Variants in SUSD4 observed in about 807,000 individuals in gnomAD.
SUSD4 encodes sushi domain containing 4.
In SUSD4, 41 loss-of-function variants were observed where a neutral mutation model predicts 50.5. The observed-to-expected ratio is 0.81, with a 90% CI of 0.63 to 1.05. SUSD4 has a LOEUF of 1.05. SUSD4 is among the 50% of genes least tolerant of loss of function. The pLI, the probability that SUSD4 is intolerant of heterozygous loss-of-function variation, is 0.00. For missense variants in SUSD4, 580 were observed against 634.7 expected, an observed-to-expected ratio of 0.91 and a Z score of 0.93; for synonymous variants, 257 against 257.3, an observed-to-expected ratio of 1.00 and a Z score of 0.01.
At chr1:223,329,817 G>A (rs985035400) in intron 2 of SUSD4, among the ~76,000 whole-genome samples, 12 of 151,864 alleles carry the variant, frequency 7.9e-5, no homozygotes, top group Non-Finnish European at 1.5e-4. Context: ...TAAATGAATG[G>A]ATGGATGGAT....
At chr1:223,356,956 G>C in intron 2 of SUSD4, among the ~76,000 whole-genome samples, 1 of 152,296 alleles carries the variant, frequency 6.6e-6, no homozygotes, top group East Asian at 1.9e-4. Flanking sequence ...ACATGAAAAA[G>C]AACCACTCTT....
At chr1:223,253,320 C>T (rs567497521) in intron 5 of SUSD4, among the ~76,000 whole-genome samples, 15 of 144,284 alleles carry the variant, frequency 1.0e-4, no homozygotes, top group African/African-American at 3.9e-4. Flanking sequence ...CCAAAAACAA[C>T]AAAAACTTGC....
At chr1:223,278,887 G>A (rs1479509693) in intron 3 of SUSD4, among the ~76,000 whole-genome samples, 2 of 152,190 alleles carry the variant, frequency 1.3e-5, no homozygotes, top group Non-Finnish European at 2.9e-5. Context: ...GGAACGATCA[G>A]GTAGGAACAT....
At chr1:223,337,346 G>A (rs1162043437) in intron 2 of SUSD4, among the ~76,000 whole-genome samples, 1 of 152,198 alleles carries the variant, frequency 6.6e-6, no homozygotes, top group African/African-American at 2.4e-5. Context: ...GAGCTCAAAT[G>A]TTAGTACAAT....
At chr1:223,251,105 C>T (rs1317133925) in intron 5 of SUSD4, among the ~76,000 whole-genome samples, 1 of 152,086 alleles carries the variant, frequency 6.6e-6, no homozygotes, top group African/African-American at 2.4e-5. Context: ...GTAGGGTGGG[C>T]CCTTAATCCA....
intron 5 of SUSD4, among the ~76,000 whole-genome samples, chr1:223,257,915 A>G (rs1446636345): frequency 6.6e-6 from 1 of 152,068 alleles, no homozygotes; most frequent in Admixed American, 6.6e-5. Flanking sequence ...GTAATTTACG[A>G]CCTTATTGGG....
chr1:223,322,618 G>A (rs1344961468), intron 2 of SUSD4, among the ~76,000 whole-genome samples: 1 of 151,944 alleles, frequency 6.6e-6, no homozygotes, highest in Non-Finnish European at 1.5e-5. Flanking sequence ...GCCCTGGGGT[G>A]TGTGTGTGTG....
chr1:223,247,960 A>G (rs914581404), intron 5 of SUSD4, among the ~76,000 whole-genome samples: 60 of 152,156 alleles, frequency 3.9e-4, no homozygotes, highest in Admixed American at 3.1e-3. Flanking sequence ...TTCACCTTTC[A>G]CCGGACTCTT....
chr1:223,287,217 T>C (rs1297261153), intron 3 of SUSD4, among the ~76,000 whole-genome samples: 8 of 152,174 alleles, frequency 5.3e-5, no homozygotes, highest in Admixed American at 2.0e-4. Context: ...GCTGGGATCA[T>C]AGGCGCGAGC....
In SUSD4 at chr1:223,328,307, C is replaced by A. The variant is rs571602456; in HGVS notation, c.148+34971G>T. ...GCCTCTATTTTAAAGATAAGGAAGC[C>A]GGGGCTCTGAGATGTTAACTGGCTT... On this transcript the variant is annotated intron_variant, in intron 2 of 8. Transcript: ENST00000366878. Among the ~76,000 whole-genome samples the A allele has an allele frequency of 3.9e-5, 6 of 152,208 alleles. No individual in the cohort carries two copies. In the South Asian group the frequency reaches 1.2e-3, roughly 32 times the overall value.
chr1:223,313,561 T>C lies in SUSD4; in HGVS notation c.149-20910A>G, dbSNP rs552478728. The stretch of plus-strand genomic sequence containing the variant: ...TGAGGGGGTAGTAGTGTCAGAGGCA[T>C]TTGAACTAGGGTGACTCCATCTTGA... On this transcript the variant is annotated intron_variant, in intron 2 of 8. Coordinates refer to ENST00000366878, the MANE Select transcript of SUSD4 (RefSeq NM_017982.4). Among the ~76,000 whole-genome samples, 14 of 152,272 alleles carry C rather than the reference T, an allele frequency of 9.2e-5. 1 individual carries two copies. The South Asian group carries it at 1.9e-3, about 20-fold the overall frequency.
chr1:223,292,368 C>G, intron 3 of SUSD4, 71 bp downstream of exon 3: 1 of 1,545,610 alleles, frequency 6.5e-7, no homozygotes, highest in Non-Finnish European at 8.9e-7. Context: ...AGCTGTCACA[C>G]AGCCCTGCAC....
chr1:223,232,078 A>T (rs926932461), intron 5 of SUSD4, among the ~76,000 whole-genome samples: 1 of 152,246 alleles, frequency 6.6e-6, no homozygotes, highest in African/African-American at 2.4e-5. Context: ...CAGAAAGACA[A>T]GATACTGCAT....
chr1:223,258,607 T>A (rs1476660842), intron 5 of SUSD4, among the ~76,000 whole-genome samples: 2 of 151,786 alleles, frequency 1.3e-5, no homozygotes, highest in African/African-American at 2.4e-5. Flanking sequence ...TCCAAGGGGG[T>A]CGGGTTTACT....
At chr1:223,327,063 T>A (rs995929219) in intron 2 of SUSD4, among the ~76,000 whole-genome samples, 5 of 152,170 alleles carry the variant, frequency 3.3e-5, no homozygotes, top group African/African-American at 1.2e-4. Context: ...AGCAGCACAA[T>A]TCACAATTGC....
At chr1:223,272,412 G>C (rs1662980404) in intron 3 of SUSD4, among the ~76,000 whole-genome samples, 1 of 152,156 alleles carries the variant, frequency 6.6e-6, no homozygotes, top group African/African-American at 2.4e-5. Flanking sequence ...ATAAATAAAA[G>C]AAGGAGTAAA....
At chr1:223,316,373 G>A (rs139635646) in intron 2 of SUSD4, among the ~76,000 whole-genome samples, 7 of 152,116 alleles carry the variant, frequency 4.6e-5, no homozygotes, top group Admixed American at 2.0e-4. Flanking sequence ...GCATCCCATG[G>A]CTTACAGGGT....
At chr1:223,224,107 G>GCCCAAA (rs1659329945) in intron 7 of SUSD4, among the ~76,000 whole-genome samples, 1 of 152,178 alleles carries the variant, frequency 6.6e-6, no homozygotes, top group Non-Finnish European at 1.5e-5. Context: ...CCAGCACTTT[G>GCCCAAA]GGAGGTTTTG....
chr1:223,246,885 C>T (rs1438032043), intron 5 of SUSD4, among the ~76,000 whole-genome samples: 1 of 152,190 alleles, frequency 6.6e-6, no homozygotes, highest in Non-Finnish European at 1.5e-5. Context: ...TGCCTTGCAA[C>T]TATCCATACA....
Sources: allele counts gnomAD v4.1 joint callset (sites outside exome capture counted in the v4.1 genomes callset), GRCh38; gene constraint gnomAD v4.1.1; transcripts MANE v1.5; gene names NCBI Gene and HGNC (gene_info 2026-07-23, HGNC 2026-07-21).